The following ZNF737 variants were observed in gnomAD, a reference collection of about 807,000 sequenced individuals.
ZNF737 encodes zinc finger protein 102 (Y3).
ZNF737 carries 13 observed loss-of-function variants against 11.7 expected under a neutral mutation model. The ratio of observed to expected loss-of-function variants is 1.11; its 90% CI spans 0.73 to 1.77. ZNF737 has a LOEUF of 1.77. ZNF737 is among the 40% of genes most tolerant of loss of function. ZNF737 has a pLI of 0.00. For missense variants in ZNF737, 636 were observed against 638.0 expected, an observed-to-expected ratio of 1.00 and a Z score of 0.03; for synonymous variants, 217 against 216.2, an observed-to-expected ratio of 1.00 and a Z score of -0.03.
Position 20,545,185 on chromosome 19 carries a change from G to A in ZNF737, c.1018C>T (p.Pro340Ser). The part of the protein sequence containing the change: ...THKRIHTGEK[P>S]YKCEECGRAF... ...CTGCCACATTCTTCACATTTGTAGG[G>A]TTTCTCTCCAGTATGAATTCTTTTA... The change falls in exon 4 of 4, where the codon CCC (proline) becomes TCC (serine). Residue 340 changes from proline (P) to serine (S), a missense_variant. Physicochemically the swap from Pro to Ser is moderately conservative, Grantham distance 74. Coordinates refer to ENST00000427401, the MANE Select transcript of ZNF737 (RefSeq NM_001159293.2). 6.2e-7 allele frequency: 1 copy of A among 1,613,850 alleles called. No individual in the cohort carries two copies. The highest frequency in any genetic ancestry group is 8.5e-7 in the Non-Finnish European group (1 of 1,179,964).
chr19:20,558,639 C>T (rs537031129), intron 1 of ZNF737, among the ~76,000 whole-genome samples: 19 of 152,286 alleles, frequency 1.2e-4, no homozygotes, highest in Admixed American at 5.9e-4. Flanking sequence ...AAAGACACCT[C>T]TTGTATGAGG....
At position 20,538,645 on chromosome 19, in the gene ZNF737, A is replaced by G; in HGVS notation, c.*5947T>C. Reference sequence around the variant, plus strand: ...GCTCCAGAGAACAAACATTTCTAAAACCATTATGGACCCTGAGTAATTCAG... The same window carrying G: ...GCTCCAGAGAACAAACATTTCTAAAGCCATTATGGACCCTGAGTAATTCAG... On this transcript the variant is annotated 3_prime_UTR_variant, in exon 4 of 4. Transcript: ENST00000427401. The G allele has an allele frequency of 4.1e-6, 4 of 984,962 alleles. No individual in the cohort carries two copies. Among genetic ancestry groups the G allele is most frequent in the Non-Finnish European group, 4.8e-6 (4 of 829,514 alleles). 61.0% of individuals were successfully genotyped at this position (984,962 alleles called of 1,614,324 possible).
In ZNF737 at chr19:20,565,763, G is replaced by A. The variant is rs1281513397; in HGVS notation, c.-123C>T. The A allele has an allele frequency of 2.7e-6, 4 of 1,502,384 alleles. No individual in the cohort carries two copies. In the African/African-American group the frequency reaches 4.1e-5, roughly 16 times the overall value. 93.1% of individuals were successfully genotyped at this position (1,502,384 alleles called of 1,614,324 possible). On this transcript the variant is annotated 5_prime_UTR_variant, in exon 1 of 4. Transcript: ENST00000427401. ...CACACAGCAGTGAAGACAAGACCTG[G>A]AGCTCCGGCTGCAGAGACAAAGGCC...
At chr19:20,556,532 T>A (rs941587151) in intron 1 of ZNF737, among the ~76,000 whole-genome samples, 1 of 152,174 alleles carries the variant, frequency 6.6e-6, no homozygotes, top group Admixed American at 6.5e-5. Flanking sequence ...TTGAAAAGGG[T>A]CCATGAATGG....
At chr19:20,556,423 C>T (rs1555761179) in intron 1 of ZNF737, among the ~76,000 whole-genome samples, 1 of 152,134 alleles carries the variant, frequency 6.6e-6, no homozygotes, top group Non-Finnish European at 1.5e-5. Flanking sequence ...GCCTCTCAAG[C>T]TTTAACGAGC....
At chr19:20,537,177 G>A (rs1555754032), downstream of ZNF737, among the ~76,000 whole-genome samples, 1 of 150,942 alleles carries the variant, frequency 6.6e-6, no homozygotes, top group Non-Finnish European at 1.5e-5. Flanking sequence ...ACTGTTATTT[G>A]GCTTAAGGTA....
intron 1 of ZNF737, among the ~76,000 whole-genome samples, chr19:20,556,603 CATTA>C (rs200692898): frequency 0.017 from 2,649 of 152,244 alleles, 79 homozygotes; most frequent in African/African-American, 0.06. Context: ...TCATTATTAC[CATTA>C]GTCAGAGAAG....
downstream of ZNF737, among the ~76,000 whole-genome samples, chr19:20,534,397 G>A (rs2122437472): frequency 6.7e-6 from 1 of 149,864 alleles, no homozygotes; most frequent in African/African-American, 2.5e-5. Flanking sequence ...AGCCAAGATT[G>A]TGCCATTGCA....
rs554610156 is a variant in ZNF737 at position 20,545,350 on chromosome 19, A to G, written c.853T>C (p.Tyr285His). The change falls in exon 4 of 4, where the codon TAC (tyrosine) becomes CAC (histidine). Residue 285 changes from tyrosine to histidine, a missense_variant. Physicochemically the swap from Tyr to His is moderately conservative, Grantham distance 83 (BLOSUM62 2). Transcript: ENST00000427401. ...HKIIHTGEKP[Y>H]KCEECGKAFK... ...GCCTTGCCACATTCTTCACATTTGT[A>G]GGGTTTCTCTCCAGTATGAATTATC... 478 of 1,613,920 alleles carry G rather than the reference A, an allele frequency of 3.0e-4. 1 individual carries two copies. The African/African-American group carries it at 5.8e-3, about 19-fold the overall frequency.
rs1285212364 is a variant in ZNF737, at chr19:20,541,301, T to TTTA, written c.*3288_*3290dup. ...ATTCATAATTTTCTTACACCTCAGG[T>TTTA]TTATCTTCAGAGTAATATGTGTATA... On this transcript the variant is annotated 3_prime_UTR_variant, in exon 4 of 4. Transcript: ENST00000427401. 3.8e-5 allele frequency: 37 copies of TTTA among 983,898 alleles called. No homozygotes were observed. The highest frequency in any genetic ancestry group is 4.5e-5 in the Non-Finnish European group (37 of 829,106). 60.9% of individuals were successfully genotyped at this position (983,898 alleles called of 1,614,324 possible).
chr19:20,542,825 A>C lies in ZNF737; in HGVS notation c.*1767T>G. The C allele has an allele frequency of 1.0e-6, 1 of 985,358 alleles. No homozygotes were observed. The highest frequency in any genetic ancestry group is 1.2e-6 in the Non-Finnish European group (1 of 829,880). 61.0% of individuals were successfully genotyped at this position (985,358 alleles called of 1,614,324 possible). A position where few individuals can be genotyped will look rare whatever the true frequency, so the allele number is the denominator to read the frequency against. ...CTCTGATGCAGAAGCCACTGATCACATGCTTTCTCACATGTGAATAGAAAT... is the reference window on the plus strand; with the variant it reads ...CTCTGATGCAGAAGCCACTGATCACCTGCTTTCTCACATGTGAATAGAAAT... On this transcript the variant is annotated 3_prime_UTR_variant, in exon 4 of 4. Coordinates refer to ENST00000427401, the MANE Select transcript of ZNF737 (RefSeq NM_001159293.2).
At position 20,541,029 on chromosome 19, in the gene ZNF737, CAA is replaced by C; in HGVS notation, c.*3561_*3562del. On this transcript the variant is annotated 3_prime_UTR_variant, in exon 4 of 4. Coordinates refer to ENST00000427401, the MANE Select transcript of ZNF737 (RefSeq NM_001159293.2). ...TTAAGAGGGCTTTTATTATTGTACT[CAA>C]GAGAGTTGTTTCTGGAGACAAAGTT... 1 of 984,946 alleles carries C rather than the reference CAA, an allele frequency of 1.0e-6. No individual in the cohort carries two copies. Among genetic ancestry groups the C allele is most frequent in the Non-Finnish European group, 1.2e-6 (1 of 829,862 alleles). The allele number at this position is 984,946 out of a possible 1,614,324, so 61.0% of individuals were successfully genotyped here.
At chr19:20,558,177 A>G (rs944040868) in intron 1 of ZNF737, among the ~76,000 whole-genome samples, 11 of 151,868 alleles carry the variant, frequency 7.2e-5, no homozygotes, top group Non-Finnish European at 1.5e-4. Context: ...CCAGCTACTC[A>G]GGAGCCTGAA....
chr19:20,563,089 T>TA (rs1381518759), intron 1 of ZNF737, among the ~76,000 whole-genome samples: 21 of 148,744 alleles, frequency 1.4e-4, no homozygotes, highest in African/African-American at 5.2e-4. Flanking sequence ...TTTTTTAACA[T>TA]AAATTAATAT....
At chr19:20,555,021 C>A (rs1968834354) in intron 1 of ZNF737, among the ~76,000 whole-genome samples, 2 of 151,528 alleles carry the variant, frequency 1.3e-5, no homozygotes, top group South Asian at 4.2e-4. Context: ...TGCCACCACG[C>A]CCGGCTAGTT....
intron 1 of ZNF737, among the ~76,000 whole-genome samples, chr19:20,565,076 A>G (rs1440485499): frequency 6.6e-6 from 1 of 151,820 alleles, no homozygotes; most frequent in Non-Finnish European, 1.5e-5. Flanking sequence ...CTGTGATTAC[A>G]GACATCTGTC....
chr19:20,548,700 C>T (rs1968545283), intron 3 of ZNF737, among the ~76,000 whole-genome samples: 1 of 151,822 alleles, frequency 6.6e-6, no homozygotes, highest in Non-Finnish European at 1.5e-5. Context: ...CTTAAATCTC[C>T]CAAGTAGCTG....
intron 1 of ZNF737, chr19:20,564,051 A>C (rs1969204978): frequency 2.0e-5 from 3 of 152,102 alleles, no homozygotes; most frequent in Admixed American, 2.0e-4. Flanking sequence ...CTGTAATCCC[A>C]GCTACTCAGG....
intron 1 of ZNF737, among the ~76,000 whole-genome samples, chr19:20,560,444 T>A (rs1307421125): frequency 6.6e-5 from 10 of 152,004 alleles, no homozygotes; most frequent in African/African-American, 1.9e-4. Context: ...AATCATGTCC[T>A]TTGCAATAAC....
Sources: allele counts gnomAD v4.1 joint callset (sites outside exome capture counted in the v4.1 genomes callset), GRCh38; gene constraint gnomAD v4.1.1; transcripts MANE v1.5; gene names NCBI Gene and HGNC (gene_info 2026-07-23, HGNC 2026-07-21).